The following GNAQ variants were observed in gnomAD, a reference collection of about 807,000 sequenced individuals.
GNAQ encodes the protein guanine nucleotide-binding protein G(q) subunit alpha.
In GNAQ, 8 loss-of-function variants were observed where a neutral mutation model predicts 43.9. The observed-to-expected ratio is 0.18, with a 90% CI of 0.11 to 0.33. The LOEUF (loss-of-function observed/expected upper bound fraction) is 0.33, where lower values mean the gene tolerates loss of function less well. Among genes scored for constraint, GNAQ ranks in the 10% least tolerant of loss-of-function variants. The pLI is 1.00. For missense variants in GNAQ, 158 were observed against 450.8 expected (o/e 0.35, Z 5.88); for synonymous variants, 155 against 170.7 (o/e 0.91, Z 0.71).
At position 77,855,431 on chromosome 9, in the gene GNAQ, G is replaced by A. The variant is rs144603697; in HGVS notation, c.322-39661C>T. Among the ~76,000 whole-genome samples the A allele has an allele frequency of 3.4e-3, 517 of 152,048 alleles. 3 individuals are homozygous for A. The highest frequency in any genetic ancestry group is 0.011 in the African/African-American group (474 of 41,498). The stretch of plus-strand genomic sequence containing the variant: ...AGAGATATAAGCTGTGTTTTAAATC[G>A]CAGTTCCCCAAAAAATGACTTTGCA... On this transcript the variant is annotated intron_variant, in intron 2 of 6. Coordinates refer to ENST00000286548, the MANE Select transcript of GNAQ (RefSeq NM_002072.5).
At chr9:77,872,460 C>A (rs1828052712) in intron 2 of GNAQ, among the ~76,000 whole-genome samples, 1 of 152,142 alleles carries the variant, frequency 6.6e-6, no homozygotes, top group Admixed American at 6.5e-5. Flanking sequence ...ACTGAATTTA[C>A]CATGTGCTAA....
At position 77,722,932 on chromosome 9, in the gene GNAQ, C is replaced by T. The variant is rs150597802; in HGVS notation, c.890-1419G>A. On this transcript the variant is annotated intron_variant, in intron 6 of 6. Coordinates refer to ENST00000286548, the MANE Select transcript of GNAQ (RefSeq NM_002072.5). ...GTGCTGGGATTATAAGCATGAGCTA[C>T]CACACCTGGCCAAGGCCATTATTAA... 5.0e-3 allele frequency among the ~76,000 whole-genome samples: 760 copies of T among 152,278 alleles called. 3 individuals are homozygous for T. The highest frequency in any genetic ancestry group is 0.017 in the Middle Eastern group (5 of 294).
At chr9:77,776,404 G>A (rs1169862015) in intron 5 of GNAQ, among the ~76,000 whole-genome samples, 8 of 152,172 alleles carry the variant, frequency 5.3e-5, no homozygotes, top group Non-Finnish European at 1.2e-4. Flanking sequence ...CATGCAAACA[G>A]TAACCAAAAG....
chr9:77,839,388 ATC>A (rs1200059379), intron 2 of GNAQ, among the ~76,000 whole-genome samples: 1 of 152,214 alleles, frequency 6.6e-6, no homozygotes, highest in East Asian at 1.9e-4. Context: ...AAATCATTAC[ATC>A]TCTCAACTTT....
intron 2 of GNAQ, among the ~76,000 whole-genome samples, chr9:77,839,288 A>C (rs1037765715): frequency 6.6e-6 from 1 of 152,210 alleles, no homozygotes; most frequent in African/African-American, 2.4e-5. Context: ...TGGCCATTCA[A>C]AAACTACTTT....
intron 2 of GNAQ, among the ~76,000 whole-genome samples, chr9:77,857,109 T>C (rs1281087881): frequency 2.0e-5 from 3 of 152,328 alleles, no homozygotes; most frequent in Middle Eastern, 6.8e-3. Flanking sequence ...CAGCAAGACA[T>C]GCTAGGCAAG....
At position 77,841,059 on chromosome 9, in the gene GNAQ, GAT is replaced by G. The variant is rs375842848; in HGVS notation, c.322-25291_322-25290del. Among the ~76,000 whole-genome samples the G allele has an allele frequency of 6.0e-3, 906 of 152,162 alleles. 9 individuals carry two copies. Among genetic ancestry groups the G allele is most frequent in the African/African-American group, 0.021 (880 of 41,476 alleles). ...CTCATACTGTTACACGTGAAGCCCA[GAT>G]ATCACACCTCATGTATTCATGTTAA... On this transcript the variant is annotated intron_variant, in intron 2 of 6. Transcript: ENST00000286548.
intron 2 of GNAQ, among the ~76,000 whole-genome samples, chr9:77,908,194 C>T (rs1411784425): frequency 1.3e-5 from 2 of 152,146 alleles, no homozygotes; most frequent in Non-Finnish European, 2.9e-5. Context: ...CTATCTGCCT[C>T]CTTCCTTACC....
intron 2 of GNAQ, among the ~76,000 whole-genome samples, chr9:77,916,346 T>G (rs1387406600): frequency 3.9e-5 from 6 of 152,224 alleles, no homozygotes; most frequent in Non-Finnish European, 8.8e-5. Flanking sequence ...ATCAGCCTTT[T>G]GGCATTTTGT....
chr9:77,727,581 A>G (rs1171181088), intron 6 of GNAQ, among the ~76,000 whole-genome samples: 1 of 152,202 alleles, frequency 6.6e-6, no homozygotes, highest in East Asian at 1.9e-4. Context: ...CTGGGTTACT[A>G]TTAGTAATGG....
chr9:77,832,737 T>TGCCTCGG (rs1319315385), intron 2 of GNAQ, among the ~76,000 whole-genome samples: 1 of 152,158 alleles, frequency 6.6e-6, no homozygotes, highest in East Asian at 1.9e-4. Flanking sequence ...AAACCTACGA[T>TGCCTCGG]GCCTCGGAGA....
chr9:77,928,234 C>G (rs997779222), intron 1 of GNAQ, among the ~76,000 whole-genome samples: 3 of 152,236 alleles, frequency 2.0e-5, no homozygotes, highest in Non-Finnish European at 4.4e-5. Context: ...ATTTGAAACA[C>G]AGCAGCTCTA....
At chr9:77,882,313 A>C (rs2118070816) in intron 2 of GNAQ, among the ~76,000 whole-genome samples, 1 of 152,322 alleles carries the variant, frequency 6.6e-6, no homozygotes, top group South Asian at 2.1e-4. Context: ...GATGAGAATT[A>C]CTGTTCCAGA....
chr9:77,760,232 C>CCCTCCTCTCCCTCTT (rs1238155574), intron 5 of GNAQ, among the ~76,000 whole-genome samples: 1 of 147,220 alleles, frequency 6.8e-6, no homozygotes, highest in Non-Finnish European at 1.5e-5. Flanking sequence ...CTCTCCCTCT[C>CCCTCCTCTCCCTCTT]CCCACGGTCT....
chr9:77,877,964 T>C (rs749096509), intron 2 of GNAQ, among the ~76,000 whole-genome samples: 9 of 152,120 alleles, frequency 5.9e-5, no homozygotes, highest in Non-Finnish European at 1.3e-4. Flanking sequence ...CCTAACACCA[T>C]TTGCTTCCCC....
At chr9:77,876,199 C>T (rs1239117101) in intron 2 of GNAQ, among the ~76,000 whole-genome samples, 1 of 152,198 alleles carries the variant, frequency 6.6e-6, no homozygotes, top group Admixed American at 6.5e-5. Flanking sequence ...CAAGCCAGCT[C>T]AGGCAGAGAA....
rs772749242 is a variant in GNAQ at position 77,721,499 on chromosome 9, C to A, written c.904G>T (p.Ala302Ser). 3.1e-6 allele frequency: 5 copies of A among 1,609,696 alleles called. No homozygotes were observed. The highest frequency in any genetic ancestry group is 4.2e-6 in the Non-Finnish European group (5 of 1,176,940). The change falls in exon 7 of 7, where the codon GCC becomes TCC. Residue 302 changes from alanine to serine, a missense_variant. This residue lies in a region of GNAQ where 56 missense variants were observed against 172.2 expected (regional missense o/e 0.33). Coordinates refer to ENST00000286548, the MANE Select transcript of GNAQ (RefSeq NM_002072.5). ...AGAATGAATTCTCGGGCTGCCTGGGCATCTCTCTGGGGTCCTTTCGGCCAA... is the reference window on the plus strand; with the variant it reads ...AGAATGAATTCTCGGGCTGCCTGGGAATCTCTCTGGGGTCCTTTCGGCCAA... ...FPEYDGPQRD[A>S]QAAREFILKM...
At chr9:77,917,156 C>T (rs751510040) in intron 2 of GNAQ, among the ~76,000 whole-genome samples, 3 of 152,112 alleles carry the variant, frequency 2.0e-5, no homozygotes, top group Admixed American at 6.5e-5. Flanking sequence ...TAGTAACAGG[C>T]AACGCAGGAA....
At chr9:77,927,382 T>C (rs1448682910) in intron 1 of GNAQ, among the ~76,000 whole-genome samples, 4 of 152,170 alleles carry the variant, frequency 2.6e-5, no homozygotes, top group African/African-American at 9.6e-5. Context: ...TCTTGGGCTA[T>C]TATGTTATCA....
Sources: allele counts gnomAD v4.1 joint callset (sites outside exome capture counted in the v4.1 genomes callset), GRCh38; gene constraint gnomAD v4.1.1; regional missense constraint gnomAD v4.1.1; transcripts MANE v1.5; gene names NCBI Gene and HGNC (gene_info 2026-07-23, HGNC 2026-07-21).